Variants in MYO16 observed in about 807,000 individuals in gnomAD.
The protein encoded by MYO16 is unconventional myosin-XVI.
Under a neutral mutation model 205.3 loss-of-function variants are expected in MYO16, and 94 were observed. The ratio of observed to expected loss-of-function variants is 0.46; its 90% CI spans 0.39 to 0.54. MYO16 has a LOEUF of 0.54. Among genes scored for constraint, MYO16 ranks in the 20% least tolerant of loss-of-function variants. MYO16 has a pLI of 0.00. For synonymous variants in MYO16, 988 were observed against 954.0 expected (o/e 1.04, Z -0.66); for missense variants, 2,315 against 2,387.5 (o/e 0.97, Z 0.63).
At chr13:109,118,344 G>A (rs2139755950) in intron 28 of MYO16, among the ~76,000 whole-genome samples, 1 of 152,230 alleles carries the variant, frequency 6.6e-6, no homozygotes, top group Admixed American at 6.5e-5. Context: ...CCTCCTTTGG[G>A]TTTTTGAATG....
intron 1 of MYO16, among the ~76,000 whole-genome samples, chr13:108,604,598 T>G (rs913888638): frequency 2.0e-5 from 3 of 152,224 alleles, no homozygotes; most frequent in Non-Finnish European, 4.4e-5. Flanking sequence ...GAAGTTGATT[T>G]AAAGTTTTGA....
intron 34 of MYO16, among the ~76,000 whole-genome samples, chr13:109,179,844 C>A (rs1216122118): frequency 6.6e-6 from 1 of 151,932 alleles, no homozygotes; most frequent in East Asian, 1.9e-4. Context: ...GGAATAATGT[C>A]CAAAACAACT....
intron 32 of MYO16, among the ~76,000 whole-genome samples, chr13:109,155,846 C>T (rs1395663997): frequency 6.6e-6 from 1 of 152,110 alleles, no homozygotes; most frequent in Non-Finnish European, 1.5e-5. Flanking sequence ...TGAACTCTCT[C>T]TTCTTGAGTT....
the MYO16 span, among the ~76,000 whole-genome samples, chr13:108,548,378 G>A: frequency 5.3e-5 from 8 of 151,186 alleles, no homozygotes; most frequent in African/African-American, 1.7e-4. Context: ...GGTAGCAGTC[G>A]GTGGTGGCAA....
upstream of MYO16, among the ~76,000 whole-genome samples, chr13:108,626,961 T>G (rs1879765008): frequency 6.9e-6 from 1 of 145,934 alleles, no homozygotes; most frequent in Non-Finnish European, 1.5e-5. Context: ...TTGTATATAA[T>G]ATATATATTA....
At chr13:109,051,689 G>C (rs1385168997) in intron 24 of MYO16, among the ~76,000 whole-genome samples, 2 of 152,098 alleles carry the variant, frequency 1.3e-5, no homozygotes, top group East Asian at 3.8e-4. Flanking sequence ...AGAATTATTT[G>C]ATTTTTATAA....
At chr13:108,690,109 C>T (rs76141538) in intron 2 of MYO16, among the ~76,000 whole-genome samples, 3,360 of 152,084 alleles carry the variant, frequency 0.022, 110 homozygotes, top group African/African-American at 0.077. Flanking sequence ...CCATGAAGGT[C>T]GAACTCAGTG....
chr13:109,170,662 T>TTAA (rs10567058), intron 33 of MYO16, among the ~76,000 whole-genome samples: 1 of 151,696 alleles, frequency 6.6e-6, no homozygotes. Context: ...CCTAAAAAAC[T>TTAA]TAATAATAAT....
chr13:109,094,581 T>C (rs1888720188), intron 27 of MYO16, among the ~76,000 whole-genome samples: 1 of 152,190 alleles, frequency 6.6e-6, no homozygotes, highest in Admixed American at 6.5e-5. Flanking sequence ...AACGTACAGG[T>C]TTGTTACGTA....
chr13:108,625,207 G>A (rs1017780307), upstream of MYO16, among the ~76,000 whole-genome samples: 10 of 152,112 alleles, frequency 6.6e-5, no homozygotes, highest in East Asian at 1.9e-4. Flanking sequence ...GTGAGACTAC[G>A]TGAAGCTGAA....
intron 10 of MYO16, among the ~76,000 whole-genome samples, chr13:108,847,557 G>T (rs767370157): frequency 6.6e-6 from 1 of 152,120 alleles, no homozygotes; most frequent in Non-Finnish European, 1.5e-5. Context: ...AATACATCAT[G>T]TGGAAAATTT....
chr13:108,903,369 G>T (rs1322079556), intron 15 of MYO16, among the ~76,000 whole-genome samples: 1 of 90,852 alleles, frequency 1.1e-5, no homozygotes, highest in Non-Finnish European at 2.2e-5. Flanking sequence ...TGTATACAGG[G>T]TTTGGTACTA....
chr13:109,137,946 C>T (rs1876859084), intron 31 of MYO16, among the ~76,000 whole-genome samples: 1 of 152,194 alleles, frequency 6.6e-6, no homozygotes, highest in Non-Finnish European at 1.5e-5. Context: ...CACATTCTAA[C>T]ATACTGTAGA....
intron 27 of MYO16, among the ~76,000 whole-genome samples, chr13:109,090,194 C>A (rs36085160): frequency 6.4e-4 from 98 of 152,190 alleles, no homozygotes; most frequent in African/African-American, 2.3e-3. Context: ...AGACTTCTTC[C>A]TCCCTTAGCA....
chr13:109,159,398 G>T (rs1878253550), intron 32 of MYO16, among the ~76,000 whole-genome samples: 1 of 152,156 alleles, frequency 6.6e-6, no homozygotes, highest in Non-Finnish European at 1.5e-5. Flanking sequence ...TTTAGTAAAT[G>T]TGCAAGCTAT....
chr13:109,182,734 G>A (rs1594166550), intron 34 of MYO16, among the ~76,000 whole-genome samples: 2 of 152,080 alleles, frequency 1.3e-5, no homozygotes, highest in African/African-American at 4.8e-5. Flanking sequence ...TTCTGATAGG[G>A]CTGGAGCCTT....
intron 27 of MYO16, among the ~76,000 whole-genome samples, chr13:109,075,094 G>A (rs1442361361): frequency 6.6e-6 from 1 of 152,092 alleles, no homozygotes; most frequent in African/African-American, 2.4e-5. Flanking sequence ...CACACCCATT[G>A]ATAGATATTT....
intron 31 of MYO16, among the ~76,000 whole-genome samples, chr13:109,138,205 A>G (rs1250930243): frequency 6.6e-6 from 1 of 152,330 alleles, no homozygotes; most frequent in East Asian, 1.9e-4. Context: ...TGATGTCAAA[A>G]TGTGCAGTCA....
At chr13:108,608,206 A>C (rs1193133638) in intron 1 of MYO16, among the ~76,000 whole-genome samples, 2 of 152,154 alleles carry the variant, frequency 1.3e-5, no homozygotes, top group Non-Finnish European at 2.9e-5. Flanking sequence ...GCGGCATCTA[A>C]ATGTGACCTT....
Sources: gnomAD v4.1 joint callset for allele counts (sites outside exome capture counted in the v4.1 genomes callset) on GRCh38, gnomAD v4.1.1 for gene constraint, MANE v1.5 for transcripts, NCBI Gene and HGNC (gene_info 2026-07-23, HGNC 2026-07-21) for gene names.